Variants in TASP1 observed in about 807,000 individuals in gnomAD.
TASP1 encodes the protein threonine aspartase 1.
A neutral mutation model predicts 56.6 loss-of-function variants in TASP1; 16 were observed. That is an observed-to-expected ratio of 0.28 (90% CI 0.19 to 0.43). TASP1 has a LOEUF of 0.43. TASP1 is among the 20% of genes least tolerant of loss of function. The pLI is 1.00. For missense variants in TASP1, 393 were observed against 511.6 expected (o/e 0.77, Z 2.24); for synonymous variants, 179 against 184.2 (o/e 0.97, Z 0.23).
At chr20:13,576,552 CA>C (rs1448386793) in intron 6 of TASP1, among the ~76,000 whole-genome samples, 6 of 150,914 alleles carry the variant, frequency 4.0e-5, no homozygotes, top group African/African-American at 7.3e-5. Flanking sequence ...ACCACAGCAT[CA>C]AAAAAAAGTG....
intron 4 of TASP1, among the ~76,000 whole-genome samples, chr20:13,597,653 T>C (rs1194196330): frequency 6.6e-6 from 1 of 152,174 alleles, no homozygotes; most frequent in Non-Finnish European, 1.5e-5. Context: ...AGCACTCCTA[T>C]TCAACATAGT....
chr20:13,492,279 A>C (rs1338427199), intron 10 of TASP1, among the ~76,000 whole-genome samples: 2 of 152,338 alleles, frequency 1.3e-5, no homozygotes, highest in African/African-American at 4.8e-5. Flanking sequence ...ATCCCCTCTT[A>C]GAAGTCCACA....
chr20:13,470,357 C>G (rs1053069839), intron 11 of TASP1, among the ~76,000 whole-genome samples: 1 of 152,126 alleles, frequency 6.6e-6, no homozygotes, highest in African/African-American at 2.4e-5. Context: ...CCATGAGCTT[C>G]CTAATGAATA....
intron 1 of TASP1, among the ~76,000 whole-genome samples, chr20:13,631,984 G>A (rs1475198545): frequency 6.6e-6 from 1 of 151,940 alleles, no homozygotes; most frequent in Non-Finnish European, 1.5e-5. Context: ...CCCAGGAGGT[G>A]GAGGTTGCCT....
chr20:13,620,212 A>G (rs1022659714), intron 4 of TASP1, among the ~76,000 whole-genome samples: 10 of 151,830 alleles, frequency 6.6e-5, no homozygotes, highest in Non-Finnish European at 1.3e-4. Flanking sequence ...CTAAAAAATG[A>G]TATGTCTGCA....
rs1432835640 is a variant in TASP1 at position 13,390,028 on chromosome 20, G to A, written c.*332C>T. ...CAACTTTAGGTTTTACTTGTAAACA[G>A]TTAAAGCACACATTTTGTAAAGATG... On this transcript the variant is annotated 3_prime_UTR_variant, in exon 14 of 14. Transcript: ENST00000337743. 8.7e-6 allele frequency: 2 copies of A among 228,638 alleles called. No individual in the cohort carries two copies. The highest frequency in any genetic ancestry group is 2.3e-5 in the African/African-American group (1 of 43,480). 14.2% of individuals were successfully genotyped at this position (228,638 alleles called of 1,614,324 possible).
At chr20:13,594,036 G>A (rs2047635767) in intron 4 of TASP1, among the ~76,000 whole-genome samples, 1 of 152,196 alleles carries the variant, frequency 6.6e-6, no homozygotes, top group South Asian at 2.1e-4. Context: ...TTGCCATTCT[G>A]CAATATTTGC....
chr20:13,609,907 C>T (rs1164472122), intron 4 of TASP1, among the ~76,000 whole-genome samples: 1 of 152,094 alleles, frequency 6.6e-6, no homozygotes, highest in African/African-American at 2.4e-5. Context: ...GTGATAGATA[C>T]ATGAATAATG....
the TASP1 span, among the ~76,000 whole-genome samples, chr20:13,354,293 T>C: frequency 2.0e-5 from 3 of 152,048 alleles, no homozygotes. Flanking sequence ...ATCAAATAAA[T>C]AACTAAAGAA....
the TASP1 span, among the ~76,000 whole-genome samples, chr20:13,363,108 C>G: frequency 6.6e-5 from 10 of 152,052 alleles, no homozygotes; most frequent in African/African-American, 2.2e-4. Context: ...GCTCCCAAAT[C>G]TCTCAGAATT....
At chr20:13,478,708 C>A (rs1257962829) in intron 11 of TASP1, among the ~76,000 whole-genome samples, 1 of 151,960 alleles carries the variant, frequency 6.6e-6, no homozygotes, top group African/African-American at 2.4e-5. Context: ...ACTTGAACCC[C>A]TTAAATTTTT....
chr20:13,123,270 G>A, the TASP1 span, among the ~76,000 whole-genome samples: 874 of 151,870 alleles, frequency 5.8e-3, 12 homozygotes, highest in African/African-American at 0.02. Flanking sequence ...GACGAAGGTT[G>A]CAGTGAGCCA....
At chr20:13,221,186 G>C in the TASP1 span, among the ~76,000 whole-genome samples, 1 of 149,860 alleles carries the variant, frequency 6.7e-6, no homozygotes. Flanking sequence ...GCCAAGCGTG[G>C]AGGTAACTCC....
the TASP1 span, among the ~76,000 whole-genome samples, chr20:13,274,665 T>TCCCCCCCC: frequency 2.2e-5 from 1 of 44,520 alleles, no homozygotes. Context: ...CCCTCTCCAC[T>TCCCCCCCC]CCCCGCCCCC....
intron 4 of TASP1, among the ~76,000 whole-genome samples, chr20:13,590,684 G>A (rs1233129277): frequency 4.0e-5 from 6 of 151,856 alleles, no homozygotes; most frequent in African/African-American, 1.2e-4. Context: ...TGGCCAACAT[G>A]GTGAAACCCC....
chr20:13,278,915 T>G, the TASP1 span, among the ~76,000 whole-genome samples: 318 of 152,322 alleles, frequency 2.1e-3, 1 homozygote, highest in African/African-American at 6.4e-3. Flanking sequence ...TGTAGTGGTC[T>G]AGGCTAAGCT....
intron 11 of TASP1, among the ~76,000 whole-genome samples, chr20:13,465,243 T>TGTATTTTA (rs1025498520): frequency 2.7e-5 from 4 of 150,532 alleles, no homozygotes; most frequent in Admixed American, 2.0e-4. Context: ...TCATGCCATG[T>TGTATTTTA]GTATTTTACC....
the TASP1 span, chr20:13,164,615 T>C: frequency 1.5e-6 from 1 of 662,574 alleles, no homozygotes; most frequent in South Asian, 1.9e-5. Flanking sequence ...GGTACGGATC[T>C]TGCTTCTTTT....
chr20:13,366,876 ACACACACACT>A, the TASP1 span, among the ~76,000 whole-genome samples: 1 of 151,834 alleles, frequency 6.6e-6, no homozygotes, highest in Non-Finnish European at 1.5e-5. Flanking sequence ...CTACACACAC[ACACACACACT>A]CTCTCTCACA....
Sources: gnomAD v4.1 joint callset for allele counts (sites outside exome capture counted in the v4.1 genomes callset) on GRCh38, gnomAD v4.1.1 for gene constraint, MANE v1.5 for transcripts, NCBI Gene and HGNC (gene_info 2026-07-23, HGNC 2026-07-21) for gene names.